Variants in DPF3 observed in about 807,000 individuals in gnomAD.
DPF3 encodes the protein zinc finger protein DPF3.
Under a neutral mutation model 56.8 loss-of-function variants are expected in DPF3, and 18 were observed. That is an observed-to-expected ratio of 0.32 (90% confidence interval 0.22 to 0.47). The LOEUF is 0.47. Among genes scored for constraint, DPF3 ranks in the 20% least tolerant of loss-of-function variants. The probability of loss-of-function intolerance (pLI) is 1.00; values close to 1 mark genes in which losing one functional copy is unlikely to be tolerated. For synonymous variants in DPF3, 188 were observed against 180.2 expected, an observed-to-expected ratio of 1.04 and a Z score of -0.35; for missense variants, 403 against 488.8, an observed-to-expected ratio of 0.82 and a Z score of 1.65.
At chr14:72,638,705 A>G (rs1488327735) in intron 8 of DPF3, among the ~76,000 whole-genome samples, 1 of 152,220 alleles carries the variant, frequency 6.6e-6, no homozygotes, top group East Asian at 1.9e-4. Context: ...TGCTAAGTCA[A>G]AAGGAAAAAA....
intron 9 of DPF3, among the ~76,000 whole-genome samples, chr14:72,627,069 A>C (rs1272644114): frequency 6.6e-6 from 1 of 151,970 alleles, no homozygotes; most frequent in Non-Finnish European, 1.5e-5. Flanking sequence ...TTAGCCCTTA[A>C]ACTGTGGTAC....
chr14:72,801,496 AC>A (rs1303416282), intron 1 of DPF3, among the ~76,000 whole-genome samples: 1 of 152,192 alleles, frequency 6.6e-6, no homozygotes, highest in East Asian at 1.9e-4. Flanking sequence ...TGCACTCTTC[AC>A]CATGGTTTAT....
intron 7 of DPF3, among the ~76,000 whole-genome samples, chr14:72,676,444 T>C (rs1252694890): frequency 6.6e-6 from 1 of 152,240 alleles, no homozygotes; most frequent in African/African-American, 2.4e-5. Context: ...GTCTCCCTCA[T>C]GACGTATGAG....
intron 9 of DPF3, among the ~76,000 whole-genome samples, 194 bp downstream of exon 9, chr14:72,629,430 A>T (rs1395678289): frequency 1.3e-5 from 2 of 152,264 alleles, no homozygotes; most frequent in Admixed American, 1.3e-4. Flanking sequence ...AAACAATCAA[A>T]TACATCCCTG....
At chr14:72,812,544 A>G (rs905436978) in intron 1 of DPF3, among the ~76,000 whole-genome samples, 1 of 151,956 alleles carries the variant, frequency 6.6e-6, no homozygotes, top group African/African-American at 2.4e-5. Context: ...AACACTTCCC[A>G]TGACGTCACC....
At chr14:72,703,184 T>C (rs998235927) in intron 6 of DPF3, among the ~76,000 whole-genome samples, 2 of 152,130 alleles carry the variant, frequency 1.3e-5, no homozygotes, top group East Asian at 3.8e-4. Context: ...CCCTGCACGA[T>C]TGGCAGCTGC....
At chr14:72,805,206 C>T (rs10140024) in intron 1 of DPF3, among the ~76,000 whole-genome samples, 109,719 of 152,020 alleles carry the variant, frequency 0.72, 39,811 homozygotes, top group East Asian at 0.79. Flanking sequence ...CACAGTGGCT[C>T]ACACCTGTAA....
At chr14:72,842,883 C>T (rs781141740) in intron 1 of DPF3, among the ~76,000 whole-genome samples, 4 of 151,982 alleles carry the variant, frequency 2.6e-5, no homozygotes, top group Non-Finnish European at 5.9e-5. Context: ...ATTAGCCAGG[C>T]GTGGTGGCAG....
At chr14:72,658,010 C>T (rs1886105238) in intron 8 of DPF3, among the ~76,000 whole-genome samples, 1 of 152,220 alleles carries the variant, frequency 6.6e-6, no homozygotes, top group East Asian at 1.9e-4. Context: ...TGTTCGCATA[C>T]TTAAAAGCCA....
chr14:72,859,201 G>A (rs558485625), intron 1 of DPF3, among the ~76,000 whole-genome samples: 7 of 152,240 alleles, frequency 4.6e-5, no homozygotes, highest in African/African-American at 7.2e-5. Flanking sequence ...ATGAGACAAC[G>A]CTGGCTCTGA....
At chr14:72,884,847 A>G (rs1269226561) in intron 1 of DPF3, among the ~76,000 whole-genome samples, 1 of 149,242 alleles carries the variant, frequency 6.7e-6, no homozygotes, top group Non-Finnish European at 1.5e-5. Flanking sequence ...CTGTAATCCC[A>G]GCACTTTGGG....
intron 1 of DPF3, among the ~76,000 whole-genome samples, chr14:72,785,046 G>A (rs1892154128): frequency 6.6e-6 from 1 of 152,122 alleles, no homozygotes; most frequent in Non-Finnish European, 1.5e-5. Flanking sequence ...AGCACTTTGG[G>A]AGGCCAAGGC....
intron 1 of DPF3, chr14:72,892,202 C>G (rs1428466234): frequency 6.5e-7 from 1 of 1,535,314 alleles, no homozygotes; most frequent in Non-Finnish European, 8.7e-7. Context: ...GGCATCAGCC[C>G]GGTTATGTGA....
intron 8 of DPF3, among the ~76,000 whole-genome samples, chr14:72,637,428 G>C (rs1034630934): frequency 6.6e-6 from 1 of 152,208 alleles, no homozygotes; most frequent in Admixed American, 6.5e-5. Flanking sequence ...AGTCACTGCA[G>C]CTGAGGATCA....
chr14:72,890,494 A>AAATAATAATAATAATAATAAT (rs6145389), intron 1 of DPF3, among the ~76,000 whole-genome samples: 3 of 51,128 alleles, frequency 5.9e-5, no homozygotes, highest in Non-Finnish European at 1.0e-4. Flanking sequence ...CTGTCTCAAA[A>AAATAATAATAATAATAATAAT]AATAATGATA....
At chr14:72,674,491 T>C in intron 7 of DPF3, 123 bp from the exon 8 acceptor site, 1 of 1,390,540 alleles carries the variant, frequency 7.2e-7, no homozygotes, top group South Asian at 1.5e-5. Context: ...TATAACCAAG[T>C]TGGCAAATTG....
At chr14:72,849,764 G>A (rs1884899997) in intron 1 of DPF3, among the ~76,000 whole-genome samples, 1 of 152,176 alleles carries the variant, frequency 6.6e-6, no homozygotes, top group East Asian at 1.9e-4. Flanking sequence ...AGGGCTGTGA[G>A]CCAAATACGG....
intron 1 of DPF3, among the ~76,000 whole-genome samples, chr14:72,801,737 G>A (rs1892900110): frequency 1.3e-5 from 2 of 152,114 alleles, no homozygotes; most frequent in Admixed American, 1.3e-4. Flanking sequence ...ATACTAAATG[G>A]TGCCTGGACA....
At chr14:72,880,075 T>G (rs1237101259) in intron 1 of DPF3, 1 of 1,045,448 alleles carries the variant, frequency 9.6e-7, no homozygotes, top group Admixed American at 3.3e-5. Flanking sequence ...ACAGACATAG[T>G]AAGTTTTCAG....
Sources: allele counts gnomAD v4.1 joint callset (sites outside exome capture counted in the v4.1 genomes callset), GRCh38; gene constraint gnomAD v4.1.1; transcripts MANE v1.5; gene names NCBI Gene and HGNC (gene_info 2026-07-23, HGNC 2026-07-21).